DCC: variants seen among roughly 807,000 people sequenced by gnomAD.
The protein encoded by DCC is netrin receptor DCC.
Under a neutral mutation model 172.5 loss-of-function variants are expected in DCC, and 58 were observed. The ratio of observed to expected loss-of-function variants is 0.34; its 90% CI spans 0.27 to 0.42. The LOEUF (loss-of-function observed/expected upper bound fraction) is 0.42. Ranked by LOEUF, DCC falls within the 10% of genes least tolerant of loss-of-function variation. DCC has a pLI of 1.00. For synonymous variants in DCC, 709 were observed against 644.5 expected, an observed-to-expected ratio of 1.10 and a Z score of -1.52; for missense variants, 1,740 against 1,791.0, an observed-to-expected ratio of 0.97 and a Z score of 0.51.
intron 27 of DCC, among the ~76,000 whole-genome samples, chr18:53,518,797 A>C (rs540409254): frequency 6.6e-6 from 1 of 152,276 alleles, no homozygotes; most frequent in Admixed American, 6.5e-5. Flanking sequence ...GAAATTCTGC[A>C]GTGGCTTCAG....
chr18:53,410,411 T>C (rs776886291), intron 19 of DCC, 41 bp from the exon 20 acceptor site: 1 of 1,275,606 alleles, frequency 7.8e-7, no homozygotes, highest in East Asian at 2.3e-5. Flanking sequence ...AACTGCAGCG[T>C]GTAGGACACC....
At chr18:52,736,529 G>A (rs1408707290) in intron 1 of DCC, among the ~76,000 whole-genome samples, 2 of 151,912 alleles carry the variant, frequency 1.3e-5, no homozygotes, top group Non-Finnish European at 2.9e-5. Context: ...TTTTCATACT[G>A]TTTTTTGAAC....
At chr18:52,540,820 A>T (rs1371041942) in intron 1 of DCC, among the ~76,000 whole-genome samples, 2 of 151,742 alleles carry the variant, frequency 1.3e-5, no homozygotes, top group South Asian at 4.2e-4. Context: ...GTTAGTCAGG[A>T]TGGTCTTGAT....
intron 1 of DCC, among the ~76,000 whole-genome samples, chr18:52,621,363 T>C (rs2034475885): frequency 6.6e-6 from 1 of 152,182 alleles, no homozygotes; most frequent in Admixed American, 6.5e-5. Context: ...TAGAACTCTG[T>C]GTCTGAAGGT....
chr18:52,448,828 A>G (rs1331033270), intron 1 of DCC, among the ~76,000 whole-genome samples: 2 of 152,194 alleles, frequency 1.3e-5, no homozygotes, highest in Non-Finnish European at 2.9e-5. Flanking sequence ...GTTGTCCCTA[A>G]TGGCTTGCCA....
At chr18:52,906,765 A>G (rs1286313714) in intron 3 of DCC, among the ~76,000 whole-genome samples, 1 of 151,774 alleles carries the variant, frequency 6.6e-6, no homozygotes, top group Non-Finnish European at 1.5e-5. Flanking sequence ...TATGATACAT[A>G]TAGATATATA....
chr18:52,715,613 A>G (rs879644276), intron 1 of DCC, among the ~76,000 whole-genome samples: 1 of 151,922 alleles, frequency 6.6e-6, no homozygotes, highest in Non-Finnish European at 1.5e-5. Context: ...CCAGCACTAC[A>G]TTTTTTCTGA....
chr18:52,510,580 C>T (rs1476085501), intron 1 of DCC, among the ~76,000 whole-genome samples: 2 of 152,178 alleles, frequency 1.3e-5, no homozygotes, highest in Non-Finnish European at 2.9e-5. Flanking sequence ...GCCCTTATTT[C>T]CACTCATTCC....
chr18:53,271,584 C>T (rs2056749943), intron 12 of DCC, among the ~76,000 whole-genome samples: 1 of 152,172 alleles, frequency 6.6e-6, no homozygotes, highest in African/African-American at 2.4e-5. Flanking sequence ...CTGTTCCTTG[C>T]TCCATGGACC....
intron 12 of DCC, among the ~76,000 whole-genome samples, chr18:53,264,473 T>C (rs2056646209): frequency 1.8e-5 from 2 of 113,346 alleles, no homozygotes; most frequent in African/African-American, 4.1e-5. Flanking sequence ...CAAAACTCCG[T>C]CTCAAAAAAA....
chr18:53,503,123 C>T (rs549586532), intron 27 of DCC, among the ~76,000 whole-genome samples: 12 of 152,204 alleles, frequency 7.9e-5, no homozygotes, highest in African/African-American at 2.9e-4. Context: ...CAATAAGGCA[C>T]ACAGAGCTAT....
intron 5 of DCC, among the ~76,000 whole-genome samples, chr18:52,961,660 A>C (rs1285721861): frequency 6.6e-6 from 1 of 152,198 alleles, no homozygotes; most frequent in Non-Finnish European, 1.5e-5. Context: ...TCATCGAGTT[A>C]GTTTCAAAAA....
chr18:53,438,765 G>GAA (rs2145125475), intron 22 of DCC, among the ~76,000 whole-genome samples: 1 of 152,296 alleles, frequency 6.6e-6, no homozygotes, highest in Admixed American at 6.5e-5. Flanking sequence ...GATGTTAGAA[G>GAA]AAGAGAAAGA....
chr18:52,476,447 A>G (rs1290594793), intron 1 of DCC, among the ~76,000 whole-genome samples: 2 of 152,136 alleles, frequency 1.3e-5, no homozygotes, highest in Non-Finnish European at 2.9e-5. Context: ...TCTTTTATTC[A>G]TTTAATGTTG....
chr18:52,497,699 A>T (rs2030856873), intron 1 of DCC, among the ~76,000 whole-genome samples: 1 of 152,142 alleles, frequency 6.6e-6, no homozygotes, highest in Non-Finnish European at 1.5e-5. Flanking sequence ...TCTAAATGAA[A>T]GTCTAGATCT....
chr18:53,450,443 G>A (rs2045394486), intron 22 of DCC, 57 bp from the exon 23 acceptor site: 1 of 1,597,874 alleles, frequency 6.3e-7, no homozygotes, highest in East Asian at 2.2e-5. Context: ...AGAGAGCTTG[G>A]TAAAACTTCT....
At chr18:53,317,767 G>A (rs1452673035) in intron 13 of DCC, among the ~76,000 whole-genome samples, 1 of 152,096 alleles carries the variant, frequency 6.6e-6, no homozygotes, top group Non-Finnish European at 1.5e-5. Context: ...TAGTTTATTT[G>A]CATAGAGGTG....
chr18:52,797,173 CTGATT>C (rs998626831), intron 2 of DCC, among the ~76,000 whole-genome samples: 2 of 151,966 alleles, frequency 1.3e-5, no homozygotes, highest in Non-Finnish European at 2.9e-5. Flanking sequence ...AATTGTTTCT[CTGATT>C]TATTTGTATT....
chr18:53,189,446 G>GTA (rs545346340), intron 9 of DCC, among the ~76,000 whole-genome samples: 3,352 of 150,658 alleles, frequency 0.022, 39 homozygotes, highest in Non-Finnish European at 0.027. Flanking sequence ...CATATATAGT[G>GTA]TATATATATA....
Sources: gnomAD v4.1 joint callset for allele counts (sites outside exome capture counted in the v4.1 genomes callset) on GRCh38, gnomAD v4.1.1 for gene constraint, MANE v1.5 for transcripts, NCBI Gene and HGNC (gene_info 2026-07-23, HGNC 2026-07-21) for gene names.